MACROD2: variants seen among roughly 807,000 people sequenced by gnomAD.
MACROD2 encodes the protein mono-ADP ribosylhydrolase 2.
MACROD2 carries 36 observed loss-of-function variants against 70.4 expected under a neutral mutation model. The observed-to-expected ratio is 0.51, with a 90% CI of 0.39 to 0.68. The LOEUF (loss-of-function observed/expected upper bound fraction) is 0.68. MACROD2 is among the 30% of genes least tolerant of loss of function. The probability of loss-of-function intolerance (pLI) is 0.00; values close to 1 mark genes in which losing one functional copy is unlikely to be tolerated. For synonymous variants in MACROD2, 172 were observed against 178.8 expected (o/e 0.96, Z 0.30); for missense variants, 496 against 538.4 (o/e 0.92, Z 0.78).
At chr20:14,508,642 A>G (rs1374464689) in intron 4 of MACROD2, among the ~76,000 whole-genome samples, 1 of 152,240 alleles carries the variant, frequency 6.6e-6, no homozygotes, top group African/African-American at 2.4e-5. Context: ...TAGTAGCAAT[A>G]TACCTATGAA....
chr20:14,963,032 C>T (rs985195833), intron 5 of MACROD2, among the ~76,000 whole-genome samples: 12 of 152,236 alleles, frequency 7.9e-5, no homozygotes, highest in African/African-American at 2.9e-4. Flanking sequence ...TAGTTTAGGA[C>T]TCCGATAACT....
chr20:14,930,236 G>C (rs1256985115), intron 5 of MACROD2, among the ~76,000 whole-genome samples: 23 of 151,310 alleles, frequency 1.5e-4, no homozygotes, highest in Admixed American at 1.5e-3. Flanking sequence ...TTGGTATTAA[G>C]TCACAATCAA....
intron 3 of MACROD2, among the ~76,000 whole-genome samples, chr20:14,268,752 T>C (rs117380548): frequency 0.013 from 1,995 of 152,322 alleles, 19 homozygotes; most frequent in Admixed American, 0.02. Context: ...GAAATATTTA[T>C]AAAAAGTGAC....
Position 15,808,333 on chromosome 20 carries a change from C to T in MACROD2, c.646-54412C>T, listed in dbSNP as rs546340988. Among the ~76,000 whole-genome samples the T allele has an allele frequency of 1.4e-4, 22 of 152,274 alleles. No individual in the cohort carries two copies. The South Asian group carries it at 3.9e-3, about 27-fold the overall frequency. ...TTCTTACTTGTAATTCATCTGTTCA[C>T]CCCTTTAATTCACCTAACAACATTG... On this transcript the variant is annotated intron_variant, in intron 8 of 17. Coordinates refer to ENST00000684519, the MANE Select transcript of MACROD2 (RefSeq NM_001351661.2).
At chr20:15,150,190 G>A (rs181404119) in intron 5 of MACROD2, among the ~76,000 whole-genome samples, 1 of 152,138 alleles carries the variant, frequency 6.6e-6, no homozygotes, top group African/African-American at 2.4e-5. Context: ...CTATCTGTGA[G>A]GGCTTGCAGC....
chr20:14,862,632 T>TATATATAA (rs2073376577), intron 5 of MACROD2, among the ~76,000 whole-genome samples: 6 of 7,272 alleles, frequency 8.3e-4, no homozygotes, highest in African/African-American at 1.7e-3. Flanking sequence ...TATATATAAA[T>TATATATAA]ATATATATAA....
At chr20:14,109,899 T>A (rs543660700) in intron 3 of MACROD2, among the ~76,000 whole-genome samples, 1 of 151,750 alleles carries the variant, frequency 6.6e-6, no homozygotes, top group African/African-American at 2.4e-5. Context: ...GATACCAAAA[T>A]GAAAGACACA....
At chr20:15,262,633 A>G (rs1236283235) in intron 6 of MACROD2, among the ~76,000 whole-genome samples, 1 of 152,150 alleles carries the variant, frequency 6.6e-6, no homozygotes, top group Non-Finnish European at 1.5e-5. Context: ...ACTGTTCTCC[A>G]TAGTGGTTAT....
chr20:14,438,512 A>G (rs891309192), intron 3 of MACROD2, among the ~76,000 whole-genome samples: 2 of 152,116 alleles, frequency 1.3e-5, no homozygotes, highest in Non-Finnish European at 2.9e-5. Context: ...TGGCTGTAGC[A>G]ATTTACATTC....
intron 4 of MACROD2, among the ~76,000 whole-genome samples, chr20:14,680,990 C>T (rs577929224): frequency 6.6e-6 from 1 of 152,218 alleles, no homozygotes; most frequent in Admixed American, 6.5e-5. Context: ...AAGACATGAG[C>T]AGATACTTCC....
rs1601481430 is a variant in MACROD2 at position 14,326,176 on chromosome 20, C to T, written c.272-167303C>T. On this transcript the variant is annotated intron_variant, in intron 3 of 17. Transcript: ENST00000684519. The surrounding 1 kb of genome is among the most constrained non-coding windows in gnomAD (Gnocchi z 5.5). ...TATAGATCCAAATGCCGGGCTATGG[C>T]CCAGTTTAAGCCAGCTGAGTCTCAA... 1 of 1,613,848 alleles carries T rather than the reference C, an allele frequency of 6.2e-7. No individual in the cohort carries two copies. The highest frequency in any genetic ancestry group is 1.3e-5 in the African/African-American group (1 of 75,028).
intron 8 of MACROD2, among the ~76,000 whole-genome samples, chr20:15,711,743 T>C (rs2050632476): frequency 6.6e-6 from 1 of 152,232 alleles, no homozygotes; most frequent in Admixed American, 6.5e-5. Flanking sequence ...GACAACTGGC[T>C]TGTATCACTC....
At chr20:14,137,343 C>T (rs1244971569) in intron 3 of MACROD2, among the ~76,000 whole-genome samples, 1 of 152,108 alleles carries the variant, frequency 6.6e-6, no homozygotes, top group Admixed American at 6.5e-5. Context: ...TATTTACTAT[C>T]CATTAAATGG....
chr20:14,264,954 T>G (rs1173754549), intron 3 of MACROD2, among the ~76,000 whole-genome samples: 1 of 152,184 alleles, frequency 6.6e-6, no homozygotes, highest in Non-Finnish European at 1.5e-5. Context: ...ACTGGTTGGA[T>G]CAGCTGGCTT....
chr20:15,755,532 C>T (rs547054401), intron 8 of MACROD2, among the ~76,000 whole-genome samples: 2 of 152,194 alleles, frequency 1.3e-5, no homozygotes, highest in African/African-American at 4.8e-5. Flanking sequence ...TATACTCTAC[C>T]CTCTGATTCC....
intron 3 of MACROD2, among the ~76,000 whole-genome samples, chr20:14,290,634 C>T (rs2082378555): frequency 6.6e-6 from 1 of 152,008 alleles, no homozygotes; most frequent in Non-Finnish European, 1.5e-5. Context: ...CTCAGCCTCC[C>T]AAGTAACTGG....
intron 5 of MACROD2, among the ~76,000 whole-genome samples, chr20:14,734,582 C>T (rs569568609): frequency 6.8e-6 from 1 of 147,774 alleles, no homozygotes; most frequent in African/African-American, 2.5e-5. Flanking sequence ...AAGGTACTAA[C>T]AACTACCAGA....
chr20:15,704,317 A>G (rs2050501739), intron 8 of MACROD2, among the ~76,000 whole-genome samples: 1 of 152,146 alleles, frequency 6.6e-6, no homozygotes, highest in Non-Finnish European at 1.5e-5. Context: ...GCAGTTACTC[A>G]CAGATAGGAA....
At chr20:14,097,983 C>T (rs781362404) in intron 3 of MACROD2, among the ~76,000 whole-genome samples, 42 of 152,206 alleles carry the variant, frequency 2.8e-4, no homozygotes, top group South Asian at 6.2e-4. Flanking sequence ...TAGAGCATTT[C>T]GGATATTGGA....
Sources: gnomAD v4.1 joint callset for allele counts (sites outside exome capture counted in the v4.1 genomes callset) on GRCh38, gnomAD v4.1.1 for gene constraint, Gnocchi (gnomAD v3.1) non-coding constraint, MANE v1.5 for transcripts, NCBI Gene and HGNC (gene_info 2026-07-23, HGNC 2026-07-21) for gene names.